ARID1B: variants seen among roughly 807,000 people sequenced by gnomAD.
ARID1B encodes AT-rich interaction domain 1B.
A neutral mutation model predicts 212.3 loss-of-function variants in ARID1B; 30 were observed. The ratio of observed to expected loss-of-function variants is 0.14; its 90% CI spans 0.11 to 0.19. ARID1B has a LOEUF of 0.19. Ranked by LOEUF, ARID1B falls within the 10% of genes least tolerant of loss-of-function variation. The probability of loss-of-function intolerance (pLI) is 1.00; values close to 1 mark genes in which losing one functional copy is unlikely to be tolerated. For missense variants in ARID1B, 2,891 were observed against 3,204.0 expected (o/e 0.90, Z 2.36); for synonymous variants, 1,402 against 1,301.7 (o/e 1.08, Z -1.66).
At chr6:156,979,313 T>G (rs1777461282) in intron 4 of ARID1B, among the ~76,000 whole-genome samples, 1 of 152,210 alleles carries the variant, frequency 6.6e-6, no homozygotes, top group African/African-American at 2.4e-5. Context: ...GTGAATCTTG[T>G]TTTCCTTATT....
intron 2 of ARID1B, among the ~76,000 whole-genome samples, chr6:156,850,015 C>A (rs1485414722): frequency 1.3e-5 from 2 of 148,644 alleles, no homozygotes; most frequent in Non-Finnish European, 3.0e-5. Context: ...GCACGGCTGT[C>A]TTTGATCTAG....
upstream of ARID1B, chr6:156,777,203 C>G (rs1778672236): frequency 6.6e-6 from 1 of 151,208 alleles, no homozygotes; most frequent in African/African-American, 2.4e-5. Flanking sequence ...GGCCGCCGAG[C>G]CGCCCCGGCC....
chr6:157,198,587 A>T, intron 16 of ARID1B: 1 of 528,780 alleles, frequency 1.9e-6, no homozygotes, highest in Middle Eastern at 4.9e-4. Context: ...ATTAGCCAAC[A>T]GCCCAAACTA....
chr6:157,039,848 TTCTCTCTCTTTC>T (rs1242685977), intron 4 of ARID1B, among the ~76,000 whole-genome samples: 14 of 125,820 alleles, frequency 1.1e-4, no homozygotes, highest in African/African-American at 4.0e-4. Context: ...TTCTCTCTCT[TTCTCTCTCTTTC>T]TCTCTCTTTC....
intron 2 of ARID1B, among the ~76,000 whole-genome samples, chr6:156,847,167 T>C (rs1583153550): frequency 6.6e-6 from 1 of 152,352 alleles, no homozygotes; most frequent in East Asian, 1.9e-4. Context: ...AGTTTTTTTT[T>C]TTAAACCAAC....
At chr6:157,040,313 C>T (rs1781799049) in intron 4 of ARID1B, among the ~76,000 whole-genome samples, 2 of 152,288 alleles carry the variant, frequency 1.3e-5, no homozygotes, top group African/African-American at 4.8e-5. Flanking sequence ...GTGTTTCTTC[C>T]TGTTTTTGTA....
intron 5 of ARID1B, among the ~76,000 whole-genome samples, chr6:157,096,182 G>C (rs1785616527): frequency 6.6e-6 from 1 of 152,194 alleles, no homozygotes; most frequent in Non-Finnish European, 1.5e-5. Context: ...CCGGAGTTCA[G>C]CTCTCCCTCA....
At position 157,180,874 on chromosome 6, in the gene ARID1B, T is replaced by C. The variant is rs139989048; in HGVS notation, c.3505-95T>C. The C allele has an allele frequency of 1.7e-4, 173 of 1,019,402 alleles. 1 individual carries two copies. The East Asian group carries it at 4.5e-3, about 26-fold the overall frequency. The allele number at this position is 1,019,402 out of a possible 1,614,324, so 63.1% of individuals were successfully genotyped here. A position where few individuals can be genotyped will look rare whatever the true frequency, so the allele number is the denominator to read the frequency against. On this transcript the variant is annotated intron_variant, in intron 11 of 19. Transcript: ENST00000636930. Reference sequence around the variant, plus strand: ...AGCAGTAGTTTTTAATCTCTTCTCTTCTTGTATTTGTTAGCTCATTACTTT... The same window carrying C: ...AGCAGTAGTTTTTAATCTCTTCTCTCCTTGTATTTGTTAGCTCATTACTTT...
chr6:157,015,429 G>A (rs12211618), intron 4 of ARID1B, among the ~76,000 whole-genome samples: 40,544 of 152,142 alleles, frequency 0.27, 5,870 homozygotes, highest in Non-Finnish European at 0.32. Flanking sequence ...GGTCTGGTCA[G>A]TCCTGGAGCT....
chr6:157,121,429 A>G (rs1787703589), intron 6 of ARID1B, among the ~76,000 whole-genome samples: 1 of 152,072 alleles, frequency 6.6e-6, no homozygotes, highest in South Asian at 2.1e-4. Flanking sequence ...TCTCTCTCTT[A>G]TCCAGGGAAG....
chr6:156,909,045 G>A (rs1181204239), intron 3 of ARID1B, among the ~76,000 whole-genome samples: 3 of 150,838 alleles, frequency 2.0e-5, no homozygotes, highest in Admixed American at 6.6e-5. Context: ...TTAAGTCACA[G>A]ATACATTTCT....
chr6:156,813,263 C>T (rs1781739583), intron 1 of ARID1B, among the ~76,000 whole-genome samples: 1 of 148,030 alleles, frequency 6.8e-6, no homozygotes, highest in African/African-American at 2.6e-5. Flanking sequence ...GCTGCCACGC[C>T]CTGCTAATTT....
intron 16 of ARID1B, among the ~76,000 whole-genome samples, chr6:157,197,152 C>T (rs149189187): frequency 0.029 from 4,448 of 152,316 alleles, 223 homozygotes; most frequent in African/African-American, 0.1. Context: ...GGTATGTTCT[C>T]TACCTCCTAG....
At chr6:156,804,867 C>CAAAAAAA (rs61315445) in intron 1 of ARID1B, among the ~76,000 whole-genome samples, 12 of 85,094 alleles carry the variant, frequency 1.4e-4, no homozygotes, top group East Asian at 1.0e-3. Flanking sequence ...ATCTGATTGG[C>CAAAAAAA]AAAAAAAAAA....
Position 157,203,846 on chromosome 6 carries a change from T to C in ARID1B, c.5264-20T>C. ...CATAGAGTCAACATTCATGATATCC[T>C]TGTTCTTCCCCATCTTCAGTTACTC... On this transcript the variant is annotated intron_variant, in intron 18 of 19. Transcript: ENST00000636930. The surrounding 1 kb of genome is among the most constrained non-coding windows in gnomAD (Gnocchi z 4.4). 1 of 1,613,888 alleles carries C rather than the reference T, an allele frequency of 6.2e-7. No homozygotes were observed. The highest frequency in any genetic ancestry group is 1.1e-5 in the South Asian group (1 of 91,056).
intron 4 of ARID1B, among the ~76,000 whole-genome samples, chr6:156,995,562 A>C (rs1778536892): frequency 6.6e-6 from 1 of 152,248 alleles, no homozygotes; most frequent in African/African-American, 2.4e-5. Flanking sequence ...CTAGGAACTG[A>C]ACAATTTGGG....
chr6:156,853,983 T>G (rs1223879615), intron 2 of ARID1B, among the ~76,000 whole-genome samples: 1 of 152,172 alleles, frequency 6.6e-6, no homozygotes, highest in African/African-American at 2.4e-5. Flanking sequence ...TCCCCCACTT[T>G]GGCTTCTCAC....
chr6:156,934,926 AT>A lies in ARID1B; in HGVS notation c.2137-539del, dbSNP rs1663789592. On this transcript the variant is annotated intron_variant, in intron 3 of 19. Transcript: ENST00000636930. ...TTAGTTGTTAATTATATATATATATATATATATATATATATATATATATATA... is the reference window on the plus strand; with the variant it reads ...TTAGTTGTTAATTATATATATATATAATATATATATATATATATATATATA... Among the ~76,000 whole-genome samples, 58 of 50,250 alleles carry A rather than the reference AT, an allele frequency of 1.2e-3. 3 individuals are homozygous for A. The highest frequency in any genetic ancestry group is 3.7e-3 in the African/African-American group (57 of 15,254). 33.0% of individuals were successfully genotyped at this position (50,250 alleles called of 152,430 possible).
rs141782844 is a variant in ARID1B, at chr6:156,855,442, C to T, written c.1986+26021C>T. On this transcript the variant is annotated intron_variant, in intron 2 of 19. Coordinates refer to ENST00000636930, the MANE Select transcript of ARID1B (RefSeq NM_001374828.1). Reference sequence around the variant, plus strand: ...ACGCGTGGGATGCTGACCCACAAAACACTGCAGGCCCGTCCACTTTGTGTG... The same window carrying T: ...ACGCGTGGGATGCTGACCCACAAAATACTGCAGGCCCGTCCACTTTGTGTG... Among the ~76,000 whole-genome samples the T allele has an allele frequency of 1.8e-3, 271 of 152,344 alleles. 1 individual carries two copies. Among genetic ancestry groups the T allele is most frequent in the African/African-American group, 6.3e-3 (263 of 41,580 alleles).
Sources: allele counts gnomAD v4.1 joint callset (sites outside exome capture counted in the v4.1 genomes callset), GRCh38; gene constraint gnomAD v4.1.1; non-coding constraint Gnocchi (gnomAD v3.1); transcripts MANE v1.5; gene names NCBI Gene and HGNC (gene_info 2026-07-23, HGNC 2026-07-21).